Variants in DMD observed in about 807,000 individuals in gnomAD.
DMD encodes the protein dystrophin.
A neutral mutation model predicts 330.1 loss-of-function variants in DMD; 63 were observed. The ratio of observed to expected loss-of-function variants is 0.19; its 90% confidence interval spans 0.16 to 0.24. DMD has a LOEUF of 0.24. Among genes scored for constraint, DMD ranks in the 10% least tolerant of loss-of-function variants. The pLI is 1.00. For missense variants in DMD, 3,344 were observed against 2,684.1 expected (o/e 1.25, Z -5.43); for synonymous variants, 1,223 against 959.8 (o/e 1.27, Z -5.07).
intron 48 of DMD, among the ~76,000 whole-genome samples, chrX:31,847,871 A>T (rs1438456300): frequency 8.9e-6 from 1 of 112,022 alleles, no homozygotes; most frequent in African/African-American, 3.2e-5. Flanking sequence ...TCATACACAC[A>T]TACACTCCTA....
chrX:32,595,560 A>G lies in DMD; in HGVS notation c.1602+197T>C, dbSNP rs562516297. Among the ~76,000 whole-genome samples the G allele has an allele frequency of 3.3e-4, 37 of 112,057 alleles. No homozygotes were observed. The South Asian group carries it at 9.0e-3, about 27-fold the overall frequency. On this transcript the variant is annotated intron_variant, in intron 13 of 78. Transcript: ENST00000357033. ...AAAGTATTAGATTTTACCCATCCGC[A>G]GTTAGTTACTATTGTATCAGAATTA...
chrX:31,596,178 A>T (rs2077105446), intron 55 of DMD, among the ~76,000 whole-genome samples: 1 of 111,860 alleles, frequency 8.9e-6, no homozygotes, highest in Admixed American at 9.6e-5. Context: ...ATGAAGGAGA[A>T]AAGATGCATT....
intron 2 of DMD, among the ~76,000 whole-genome samples, chrX:32,988,488 G>A (rs1160165446): frequency 2.7e-5 from 3 of 112,186 alleles, no homozygotes; most frequent in Non-Finnish European, 5.6e-5. Flanking sequence ...ATGAATGGCT[G>A]CCTATCAGAT....
intron 49 of DMD, among the ~76,000 whole-genome samples, chrX:31,830,785 A>C (rs935440276): frequency 1.8e-5 from 2 of 111,615 alleles, no homozygotes; most frequent in Non-Finnish European, 3.8e-5. Context: ...GGATGTTAAA[A>C]AACACTCATA....
chrX:31,568,700 T>C (rs2075598797), intron 55 of DMD, among the ~76,000 whole-genome samples: 2 of 111,820 alleles, frequency 1.8e-5, no homozygotes. Flanking sequence ...TCAGCTTTTA[T>C]CAATCCACTC....
intron 9 of DMD, among the ~76,000 whole-genome samples, chrX:32,665,868 A>G: frequency 8.9e-6 from 1 of 111,791 alleles, no homozygotes; most frequent in Non-Finnish European, 1.9e-5. Context: ...CAAACCATGA[A>G]CATTGGTACT....
chrX:32,764,526 TCATA>T (rs922202799), intron 7 of DMD, among the ~76,000 whole-genome samples: 1 of 111,346 alleles, frequency 9.0e-6, no homozygotes, highest in Non-Finnish European at 1.9e-5. Context: ...TCTAGATAGC[TCATA>T]CAAATAGAAT....
At chrX:32,384,580 T>C (rs1386500632) in intron 33 of DMD, among the ~76,000 whole-genome samples, 2 of 110,880 alleles carry the variant, frequency 1.8e-5, no homozygotes, top group Admixed American at 9.6e-5. Context: ...CAAGACTATC[T>C]AAGAAAAATG....
At chrX:32,639,999 T>G in intron 11 of DMD, among the ~76,000 whole-genome samples, 1 of 110,073 alleles carries the variant, frequency 9.1e-6, no homozygotes, top group Admixed American at 9.8e-5. Context: ...GCCAGGAGCT[T>G]GAGACTAGCC....
chrX:32,523,273 T>C (rs1405741731), intron 17 of DMD, among the ~76,000 whole-genome samples: 1 of 111,323 alleles, frequency 9.0e-6, no homozygotes, highest in Non-Finnish European at 1.9e-5. Context: ...TCTCCTCCCC[T>C]CCTGTCTTTA....
intron 44 of DMD, among the ~76,000 whole-genome samples, chrX:32,134,237 T>C (rs1436567267): frequency 1.8e-5 from 2 of 111,339 alleles, no homozygotes; most frequent in Non-Finnish European, 3.8e-5. Context: ...ATACATCTTT[T>C]CTGCTTTGTT....
At chrX:32,079,714 A>G (rs2141753) in intron 44 of DMD, among the ~76,000 whole-genome samples, 35,266 of 111,082 alleles carry the variant, frequency 0.32, 4,848 homozygotes, top group African/African-American at 0.52. Flanking sequence ...TCATCCTGTC[A>G]CAATCTGTAA....
intron 60 of DMD, among the ~76,000 whole-genome samples, chrX:31,382,600 G>T (rs1439929266): frequency 9.0e-6 from 1 of 111,229 alleles, no homozygotes; most frequent in Non-Finnish European, 1.9e-5. Context: ...CCAATTCTTC[G>T]TCCTTTAATA....
chrX:32,198,582 C>A (rs2097017801), intron 44 of DMD, among the ~76,000 whole-genome samples: 1 of 111,796 alleles, frequency 8.9e-6, no homozygotes, highest in African/African-American at 3.2e-5. Flanking sequence ...TAATCTTATT[C>A]CAGAATACTT....
At position 31,517,122 on chromosome X, in the gene DMD, C is replaced by A. The variant is rs5971577; in HGVS notation, c.8218-9669G>T. Among the ~76,000 whole-genome samples the A allele has an allele frequency of 3.6e-5, 4 of 110,461 alleles. No individual in the cohort carries two copies. In the Admixed American group the frequency reaches 3.9e-4, roughly 11 times the overall value. The stretch of plus-strand genomic sequence containing the variant: ...TCATCCAGTCACAATGCAAAAATTC[C>A]CGAATATTTATTCATCACAAAAATG... On this transcript the variant is annotated intron_variant, in intron 55 of 78. Transcript: ENST00000357033.
chrX:31,182,688 G>C, intron 68 of DMD, 50 bp downstream of exon 68: 1 of 1,122,756 alleles, frequency 8.9e-7, no homozygotes. Flanking sequence ...GTCATAAAAA[G>C]GTGAAAAATG....
chrX:31,851,478 A>C (rs2149556172), intron 48 of DMD, among the ~76,000 whole-genome samples: 1 of 112,034 alleles, frequency 8.9e-6, no homozygotes, highest in East Asian at 2.8e-4. Flanking sequence ...AGTAACATCC[A>C]GAAGCCTCTA....
chrX:31,785,536 T>C (rs760625226), intron 50 of DMD, among the ~76,000 whole-genome samples: 152 of 111,490 alleles, frequency 1.4e-3, no homozygotes, highest in African/African-American at 4.9e-3. Context: ...ACACGTGCCA[T>C]GGTGGTTTGC....
chrX:33,114,116 T>A (rs1217599231), intron 1 of DMD, among the ~76,000 whole-genome samples: 5 of 108,962 alleles, frequency 4.6e-5, no homozygotes, highest in South Asian at 4.0e-4. Context: ...ATTATTATTT[T>A]TTTTTTTTTT....
Sources: allele counts gnomAD v4.1 joint callset (sites outside exome capture counted in the v4.1 genomes callset), GRCh38; gene constraint gnomAD v4.1.1; transcripts MANE v1.5; gene names NCBI Gene and HGNC (gene_info 2026-07-23, HGNC 2026-07-21).